Variants in FMNL3 observed in about 807,000 individuals in gnomAD.
FMNL3 encodes the protein formin like 3.
Under a neutral mutation model 119.6 loss-of-function variants are expected in FMNL3, and 57 were observed. That is an observed-to-expected ratio of 0.48 (90% CI 0.39 to 0.59). FMNL3 has a LOEUF of 0.59. FMNL3 is among the 20% of genes least tolerant of loss of function. The pLI is 0.00. For synonymous variants in FMNL3, 491 were observed against 507.3 expected, an observed-to-expected ratio of 0.97 and a Z score of 0.43; for missense variants, 1,053 against 1,323.5, an observed-to-expected ratio of 0.80 and a Z score of 3.17.
At position 49,651,163 on chromosome 12, in the gene FMNL3, GT is replaced by G; in HGVS notation, c.1797+4del. 6.2e-7 allele frequency: 1 copy of G among 1,612,094 alleles called. No individual in the cohort carries two copies. Among genetic ancestry groups the G allele is most frequent in the Non-Finnish European group, 8.5e-7 (1 of 1,178,232 alleles). On this transcript the variant is annotated splice_donor_region_variant and intron_variant, in intron 16 of 25. Coordinates refer to ENST00000335154, the MANE Select transcript of FMNL3 (RefSeq NM_175736.5). ...CTTAGCCCTCTGGACCCCAGGCCCT[GT>G]TACCTCCAAGATCTTCTCATCATCA...
At chr12:49,671,072 C>A (rs144161099) in intron 1 of FMNL3, among the ~76,000 whole-genome samples, 9 of 152,236 alleles carry the variant, frequency 5.9e-5, no homozygotes, top group Non-Finnish European at 8.8e-5. Context: ...GAGGAGGGGG[C>A]AGCCTGTCAC....
At chr12:49,674,194 A>G (rs1160786810) in intron 1 of FMNL3, among the ~76,000 whole-genome samples, 23 of 152,240 alleles carry the variant, frequency 1.5e-4, no homozygotes, top group Admixed American at 1.4e-3. Flanking sequence ...TTTGGAGAAG[A>G]TAACTTGAAA....
chr12:49,674,413 G>A (rs1223242984), intron 1 of FMNL3, among the ~76,000 whole-genome samples: 1 of 152,152 alleles, frequency 6.6e-6, no homozygotes, highest in Non-Finnish European at 1.5e-5. Context: ...AAGGATGAAA[G>A]GCAGCAGTTA....
intron 10 of FMNL3, among the ~76,000 whole-genome samples, 167 bp from the exon 11 acceptor site, chr12:49,654,469 A>G (rs1269802439): frequency 6.6e-6 from 1 of 152,250 alleles, no homozygotes; most frequent in Non-Finnish European, 1.5e-5. Context: ...TAATTTTAAA[A>G]ATGTCATTTA....
chr12:49,636,726 G>A lies in FMNL3; in HGVS notation c.*9089C>T. 6.2e-7 allele frequency: 1 copy of A among 1,614,186 alleles called. No individual in the cohort carries two copies. Among genetic ancestry groups the A allele is most frequent in the Non-Finnish European group, 8.5e-7 (1 of 1,180,022 alleles). On this transcript the variant is annotated 3_prime_UTR_variant, in exon 26 of 26. Transcript: ENST00000335154. ...CCTGCCTGTCTTTAGACATGGACAAGGAAGATGCACTGATCTGTTTTGAGG... is the reference window on the plus strand; with the variant it reads ...CCTGCCTGTCTTTAGACATGGACAAAGAAGATGCACTGATCTGTTTTGAGG...
intron 1 of FMNL3, among the ~76,000 whole-genome samples, chr12:49,675,597 T>C (rs954617338): frequency 1.3e-5 from 2 of 152,178 alleles, no homozygotes; most frequent in African/African-American, 4.8e-5. Flanking sequence ...CTCATCTATA[T>C]TTGCCCTTCC....
At chr12:49,657,420 T>C (rs1364460331) in intron 6 of FMNL3, among the ~76,000 whole-genome samples, 5 of 152,220 alleles carry the variant, frequency 3.3e-5, no homozygotes, top group Middle Eastern at 3.2e-3. Context: ...CCCGGTTTTA[T>C]AACCAGTGCC....
chr12:49,639,443 T>G lies in FMNL3; in HGVS notation c.*6372A>C, dbSNP rs1292854917. 1 of 152,310 alleles carries G rather than the reference T, an allele frequency of 6.6e-6. No homozygotes were observed. Among genetic ancestry groups the G allele is most frequent in the Non-Finnish European group, 1.5e-5 (1 of 68,050 alleles). 9.4% of individuals were successfully genotyped at this position (152,310 alleles called of 1,614,324 possible). On this transcript the variant is annotated 3_prime_UTR_variant, in exon 26 of 26. Transcript: ENST00000335154. ...AAGTCAGTAGGCTGTGCAGGAATCT[T>G]GTAGGAGGTGATCCTAGCCGGGGGC...
intron 1 of FMNL3, among the ~76,000 whole-genome samples, chr12:49,680,437 G>A (rs1211634492): frequency 2.0e-5 from 3 of 152,186 alleles, no homozygotes; most frequent in Non-Finnish European, 4.4e-5. Flanking sequence ...CAGCGCCTCA[G>A]TGCTTCTATC....
chr12:49,658,275 CAAGGAGACA>C (rs1943632360), intron 6 of FMNL3, among the ~76,000 whole-genome samples, 158 bp downstream of exon 6: 1 of 152,030 alleles, frequency 6.6e-6, no homozygotes, highest in African/African-American at 2.4e-5. Flanking sequence ...TGGGCAGAGT[CAAGGAGACA>C]GAGAAGACAG....
rs930696348 is a variant in FMNL3, at chr12:49,650,803, T to C, written c.1873A>G (p.Lys625Glu). The C allele has an allele frequency of 6.2e-7, 1 of 1,614,108 alleles. No homozygotes were observed. Among genetic ancestry groups the C allele is most frequent in the Non-Finnish European group, 8.5e-7 (1 of 1,180,038 alleles). ...GCAGCTTTTTGCGCTGTCTTGTTTTTGGAGCAGATGAGGTCAAGGGCAGGG... is the reference window on the plus strand; with the variant it reads ...GCAGCTTTTTGCGCTGTCTTGTTTTCGGAGCAGATGAGGTCAAGGGCAGGG... ...QGPALDLICS[K>E]NKTAQKAASK... is the part of the protein sequence containing the mutation. The change falls in exon 17 of 26, where the codon AAA (lysine) becomes GAA (glutamate). Residue 625 changes from lysine (K) to glutamate (E), a missense_variant. Physicochemically the swap from Lys to Glu is moderately conservative, Grantham distance 56. This residue lies in a region of FMNL3 where 445 missense variants were observed against 628.4 expected (regional missense o/e 0.71). Transcript: ENST00000335154.
At chr12:49,673,235 G>A (rs888272390) in intron 1 of FMNL3, among the ~76,000 whole-genome samples, 6 of 152,176 alleles carry the variant, frequency 3.9e-5, no homozygotes, top group African/African-American at 9.7e-5. Flanking sequence ...ACTTCTCAAC[G>A]TGCTGCTGAG....
intron 1 of FMNL3, among the ~76,000 whole-genome samples, chr12:49,675,084 C>T (rs1470565945): frequency 1.3e-5 from 2 of 152,224 alleles, no homozygotes; most frequent in Non-Finnish European, 2.9e-5. Flanking sequence ...AAGCCTCAAA[C>T]TCTTTCCTCT....
At chr12:49,685,990 C>G (rs573492161) in intron 1 of FMNL3, among the ~76,000 whole-genome samples, 1 of 152,228 alleles carries the variant, frequency 6.6e-6, no homozygotes, top group African/African-American at 2.4e-5. Context: ...TCACTTGAAC[C>G]TGGGAGGCAG....
In FMNL3 at chr12:49,657,096, T is replaced by C; in HGVS notation, c.700A>G (p.Ile234Val). 1 of 1,614,146 alleles carries C rather than the reference T, an allele frequency of 6.2e-7. No homozygotes were observed. The highest frequency in any genetic ancestry group is 1.1e-5 in the South Asian group (1 of 91,082). ...TTCCCCCTTACCTGATAGTTCATGA[T>C]GGCTCTGAGACAAAGGATACAGACG... ...VHVCILCLRA[I>V]MNYQYGFNLV... Residue 234 changes from isoleucine (I) to valine (V), a missense_variant, in exon 7 of 26, where the codon ATC becomes GTC. Coordinates refer to ENST00000335154, the MANE Select transcript of FMNL3 (RefSeq NM_175736.5).
At chr12:49,671,347 G>GAA (rs1944041624) in intron 1 of FMNL3, among the ~76,000 whole-genome samples, 1 of 152,256 alleles carries the variant, frequency 6.6e-6, no homozygotes, top group Non-Finnish European at 1.5e-5. Flanking sequence ...GCATGAAGTA[G>GAA]GTCTGACCAT....
intron 1 of FMNL3, among the ~76,000 whole-genome samples, chr12:49,679,519 CTTTTT>C (rs551320921): frequency 2.2e-5 from 2 of 90,624 alleles, no homozygotes; most frequent in African/African-American, 9.3e-5. Context: ...GCATTTGTGT[CTTTTT>C]TTTTTTTTTT....
At chr12:49,671,402 A>T (rs945733173) in intron 1 of FMNL3, among the ~76,000 whole-genome samples, 1 of 152,244 alleles carries the variant, frequency 6.6e-6, no homozygotes, top group Admixed American at 6.5e-5. Context: ...CTTTCTTGAC[A>T]GTGGTCTCAG....
intron 1 of FMNL3, among the ~76,000 whole-genome samples, chr12:49,670,683 G>A (rs1038333242): frequency 1.3e-5 from 2 of 152,198 alleles, no homozygotes; most frequent in African/African-American, 2.4e-5. Flanking sequence ...AACTTCCACA[G>A]GAAAGTGAGG....
Sources: allele counts gnomAD v4.1 joint callset (sites outside exome capture counted in the v4.1 genomes callset), GRCh38; gene constraint gnomAD v4.1.1; regional missense constraint gnomAD v4.1.1; transcripts MANE v1.5; gene names NCBI Gene and HGNC (gene_info 2026-07-23, HGNC 2026-07-21).